Variants in ADGRL3 observed in about 807,000 individuals in gnomAD.
ADGRL3 encodes adhesion G protein-coupled receptor L3, also known as calcium-independent alpha-latrotoxin receptor 3.
A neutral mutation model predicts 153.5 loss-of-function variants in ADGRL3; 62 were observed. The observed-to-expected ratio is 0.40, with a 90% CI of 0.33 to 0.50. The LOEUF is 0.50. ADGRL3 is among the 20% of genes least tolerant of loss of function. The pLI is 0.47. For missense variants in ADGRL3, 1,641 were observed against 1,859.4 expected (o/e 0.88, Z 2.16); for synonymous variants, 710 against 672.5 (o/e 1.06, Z -0.86).
intron 2 of ADGRL3, among the ~76,000 whole-genome samples, chr4:61,436,011 T>C (rs1326956120): frequency 7.2e-5 from 11 of 152,292 alleles, no homozygotes; most frequent in Admixed American, 6.5e-4. Context: ...TTTCCAAGTA[T>C]AATGGGAATT....
At chr4:61,266,116 T>C (rs1168960066) in intron 1 of ADGRL3, among the ~76,000 whole-genome samples, 3 of 151,852 alleles carry the variant, frequency 2.0e-5, no homozygotes, top group Non-Finnish European at 2.9e-5. Flanking sequence ...TTTTATACTT[T>C]ATAGTTATTC....
intron 8 of ADGRL3, among the ~76,000 whole-genome samples, chr4:61,765,831 G>A: frequency 6.6e-6 from 1 of 152,048 alleles, no homozygotes; most frequent in Non-Finnish European, 1.5e-5. Flanking sequence ...GTGTAGGGAA[G>A]GGAGGGGGCC....
chr4:61,231,152 A>T (rs575904852), intron 1 of ADGRL3, among the ~76,000 whole-genome samples: 2 of 152,334 alleles, frequency 1.3e-5, no homozygotes, highest in South Asian at 4.1e-4. Context: ...CTGTGCGGAG[A>T]TAGTAGACCC....
chr4:61,374,205 C>G (rs769194157), intron 1 of ADGRL3, among the ~76,000 whole-genome samples: 48 of 152,138 alleles, frequency 3.2e-4, no homozygotes, highest in Non-Finnish European at 1.6e-4. Context: ...GTGTCCACTG[C>G]AGATGTTTGC....
intron 9 of ADGRL3, among the ~76,000 whole-genome samples, chr4:61,847,658 TA>T: frequency 1.9e-5 from 1 of 52,068 alleles, no homozygotes; most frequent in Non-Finnish European, 3.3e-5. Flanking sequence ...TAAAATATAT[TA>T]TATATATAAT....
chr4:61,934,913 A>T lies in ADGRL3; in HGVS notation c.2186A>T (p.Asp729Val), dbSNP rs2150142510. Residue 729 changes from aspartate (D) to valine (V), a missense_variant, in exon 14 of 27, where the codon GAT becomes GTT. Asp to Val is a radical substitution (Grantham distance 152, BLOSUM62 -3). Transcript: ENST00000683033. ...GCATGGAGAGACCTGACTACGAGTGATCAGCTGCGTGCGGCCACCATGTTG... is the reference window on the plus strand; with the variant it reads ...GCATGGAGAGACCTGACTACGAGTGTTCAGCTGCGTGCGGCCACCATGTTG... Reference protein sequence around the residue: ...LNAWRDLTTSDQLRAATMLLH... With the variant: ...LNAWRDLTTSVQLRAATMLLH... The T allele has an allele frequency of 6.2e-7, 1 of 1,613,850 alleles. No homozygotes were observed. The highest frequency in any genetic ancestry group is 1.1e-5 in the South Asian group (1 of 91,088).
At chr4:62,004,710 A>G (rs1192933677) in intron 21 of ADGRL3, among the ~76,000 whole-genome samples, 2 of 152,056 alleles carry the variant, frequency 1.3e-5, no homozygotes, top group African/African-American at 4.8e-5. Flanking sequence ...TATACTGAAG[A>G]TGTGTTTTCC....
At chr4:62,048,600 T>A (rs10032111) in intron 25 of ADGRL3, among the ~76,000 whole-genome samples, 3,969 of 152,126 alleles carry the variant, frequency 0.026, 182 homozygotes, top group African/African-American at 0.092. Context: ...TCTGTCACCC[T>A]GTTTGGAGTG....
At chr4:61,664,030 G>C (rs934154510) in intron 5 of ADGRL3, among the ~76,000 whole-genome samples, 1 of 152,104 alleles carries the variant, frequency 6.6e-6, no homozygotes, top group Non-Finnish European at 1.5e-5. Flanking sequence ...ATTTGTATAT[G>C]ATATGTTCTG....
intron 5 of ADGRL3, among the ~76,000 whole-genome samples, chr4:61,658,136 G>T (rs1222877762): frequency 6.6e-6 from 1 of 152,066 alleles, no homozygotes; most frequent in Admixed American, 6.5e-5. Flanking sequence ...CAAAGCTGGA[G>T]CCCACCTTAT....
chr4:61,268,888 T>C (rs576312096), intron 1 of ADGRL3, among the ~76,000 whole-genome samples: 1 of 151,736 alleles, frequency 6.6e-6, no homozygotes, highest in African/African-American at 2.4e-5. Context: ...GAGAGCACTA[T>C]TGGGAAAATA....
chr4:61,829,562 G>C (rs994680467), intron 9 of ADGRL3, among the ~76,000 whole-genome samples: 1 of 152,114 alleles, frequency 6.6e-6, no homozygotes. Context: ...TTGGTAAAGT[G>C]ACAATGCTTT....
rs147930326 is a variant in ADGRL3 at position 61,251,712 on chromosome 4, C to T, written c.-240+49947C>T. On this transcript the variant is annotated intron_variant, in intron 1 of 26. Coordinates refer to ENST00000683033, the MANE Select transcript of ADGRL3 (RefSeq NM_001387552.1). ...TCAGGTTTCCATCAGAGGCCTAAAA[C>T]TACTGTAAATTTAATCCTAGATTTT... is the stretch of plus-strand genomic sequence containing the variant. 2.9e-3 allele frequency among the ~76,000 whole-genome samples: 433 copies of T among 151,690 alleles called. 5 individuals carry two copies. Among genetic ancestry groups the T allele is most frequent in the African/African-American group, 1.0e-2 (413 of 41,384 alleles).
intron 2 of ADGRL3, among the ~76,000 whole-genome samples, chr4:61,442,327 A>G (rs1465890535): frequency 4.6e-5 from 7 of 152,236 alleles, no homozygotes; most frequent in Non-Finnish European, 1.0e-4. Context: ...GAGGAAGGTG[A>G]GTGCAGCCAA....
At chr4:61,623,670 A>C (rs1224371344) in intron 5 of ADGRL3, among the ~76,000 whole-genome samples, 1 of 152,152 alleles carries the variant, frequency 6.6e-6, no homozygotes, top group Non-Finnish European at 1.5e-5. Flanking sequence ...TATTTACTAC[A>C]TTCTTCATAT....
chr4:61,853,128 CTGCCCCTGGCTGAAA>C (rs2098226839), intron 9 of ADGRL3, among the ~76,000 whole-genome samples: 1 of 152,042 alleles, frequency 6.6e-6, no homozygotes, highest in South Asian at 2.1e-4. Flanking sequence ...TGTGGAGCCA[CTGCCCCTGGCTGAAA>C]GTCCCTAACT....
rs767946394 is a variant in ADGRL3, at chr4:61,587,301, C to T, written c.334C>T (p.Arg112Cys). Residue 112 changes from arginine to cysteine, a missense_variant, in exon 5 of 27, where the codon CGC becomes TGC. Arg to Cys is a radical substitution (Grantham distance 180). Transcript: ENST00000683033. ...CTGTGAGAGCTATCCTATAGAGCTT[C>T]GCTGTCCAGGAACAGACGTCATCAT... Reference protein sequence around the residue: ...LSCESYPIELRCPGTDVIMIE... With the variant: ...LSCESYPIELCCPGTDVIMIE... The T allele has an allele frequency of 1.9e-6, 3 of 1,611,566 alleles. No individual in the cohort carries two copies. Among genetic ancestry groups the T allele is most frequent in the Admixed American group, 1.7e-5 (1 of 59,718 alleles).
At chr4:61,495,328 C>T (rs1560728887) in intron 2 of ADGRL3, among the ~76,000 whole-genome samples, 2 of 152,070 alleles carry the variant, frequency 1.3e-5, no homozygotes, top group Non-Finnish European at 1.5e-5. Flanking sequence ...CATCAGTAAA[C>T]AATTTTGAAT....
intron 1 of ADGRL3, among the ~76,000 whole-genome samples, chr4:61,316,463 A>G (rs2095218004): frequency 6.6e-6 from 1 of 152,212 alleles, no homozygotes; most frequent in Non-Finnish European, 1.5e-5. Context: ...TGCCATTAAA[A>G]GTAATTGCAA....
Sources: allele counts gnomAD v4.1 joint callset (sites outside exome capture counted in the v4.1 genomes callset), GRCh38; gene constraint gnomAD v4.1.1; transcripts MANE v1.5; gene names NCBI Gene and HGNC (gene_info 2026-07-23, HGNC 2026-07-21).